The following GIPR variants were observed in gnomAD, a reference collection of about 807,000 sequenced individuals.
GIPR encodes GIP-R.
Under a neutral mutation model 62.2 loss-of-function variants are expected in GIPR, and 74 were observed. That is an observed-to-expected ratio of 1.19 (90% CI 0.99 to 1.44). The LOEUF is 1.44. GIPR is among the 40% of genes most tolerant of loss of function. GIPR has a pLI of 0.00. For missense variants in GIPR, 664 were observed against 611.8 expected (o/e 1.09, Z -0.90); for synonymous variants, 256 against 262.2 (o/e 0.98, Z 0.23).
chr19:45,678,369 C>CTTT, intron 12 of GIPR, 143 bp downstream of exon 12: 3 of 808,094 alleles, frequency 3.7e-6, no homozygotes, highest in Non-Finnish European at 5.6e-6. Context: ...TTAATTCATT[C>CTTT]TTTTTTTTTT....
rs142563934 is a variant in GIPR, at chr19:45,673,083, A to G, written c.384+129A>G. On this transcript the variant is annotated intron_variant, in intron 5 of 13. Coordinates refer to ENST00000590918, the MANE Select transcript of GIPR (RefSeq NM_000164.4). ...TGTAAGTGAGAGAAACTCAACTCAG[A>G]CTTGCTTCAAAGAGAGAAAGATGTA... 4,155 of 684,980 alleles carry G rather than the reference A, an allele frequency of 6.1e-3. 40 individuals carry two copies. The highest frequency in any genetic ancestry group is 0.024 in the South Asian group (1,551 of 63,810). The allele number at this position is 684,980 out of a possible 1,614,324, so 42.4% of individuals were successfully genotyped here. A position where few individuals can be genotyped will look rare whatever the true frequency, so the allele number is the denominator to read the frequency against.
rs752119645 is a variant in GIPR at position 45,676,906 on chromosome 19, G to A, written c.634-43G>A. On this transcript the variant is annotated intron_variant, in intron 7 of 13. Transcript: ENST00000590918. ...AGCTGGGGGAGACTGGGAGACACCC[G>A]GGCAGCGCTGACTACCCCTCTACCG... 5.0e-6 allele frequency: 8 copies of A among 1,593,998 alleles called. No homozygotes were observed. The African/African-American group carries it at 1.1e-4, about 21-fold the overall frequency.
chr19:45,681,549 G>A, intron 12 of GIPR, 55 bp from the exon 13 acceptor site: 3 of 1,468,654 alleles, frequency 2.0e-6, no homozygotes, highest in Non-Finnish European at 2.9e-6. Context: ...AGGCGCGGAG[G>A]CGGTTACAGT....
At chr19:45,674,300 T>C in intron 6 of GIPR, 123 bp downstream of exon 6, 1 of 768,038 alleles carries the variant, frequency 1.3e-6, no homozygotes, top group Non-Finnish European at 2.3e-6. Context: ...TGGGGAGCAG[T>C]GGGGGTGGTT....
chr19:45,677,531 A>T, intron 9 of GIPR, 148 bp downstream of exon 9: 2 of 823,472 alleles, frequency 2.4e-6, no homozygotes, highest in Non-Finnish European at 4.2e-6. Context: ...GGAGCTAGGA[A>T]AGGTTGTGTT....
At chr19:45,673,265 C>T (rs1047865624) in intron 5 of GIPR, among the ~76,000 whole-genome samples, 1 of 151,388 alleles carries the variant, frequency 6.6e-6, no homozygotes, top group Non-Finnish European at 1.5e-5. Flanking sequence ...ACTAAAAATA[C>T]AAAAATTAGC....
intron 5 of GIPR, 28 bp downstream of exon 5, chr19:45,672,982 G>A (rs1043359709): frequency 7.9e-7 from 1 of 1,267,104 alleles, no homozygotes; most frequent in African/African-American, 1.5e-5. Flanking sequence ...CTTCAGGTTA[G>A]GAGTCCAGGG....
Position 45,682,036 on chromosome 19 carries a change from C to G in GIPR, c.*101C>G. 2 of 1,037,728 alleles carry G rather than the reference C, an allele frequency of 1.9e-6. No individual in the cohort carries two copies. The highest frequency in any genetic ancestry group is 1.4e-5 in the South Asian group (1 of 70,336). The allele number at this position is 1,037,728 out of a possible 1,614,324, so 64.3% of individuals were successfully genotyped here. On this transcript the variant is annotated 3_prime_UTR_variant, in exon 14 of 14. Transcript: ENST00000590918. ...GACGCTGGGGAAATGGTGAAGGAAA[C>G]AGAAAAAAGGTCCCTGCCCTTCTGG...
In GIPR at chr19:45,678,262, C is replaced by T. The variant is rs537558156; in HGVS notation, c.1152+36C>T. The T allele has an allele frequency of 3.9e-6, 6 of 1,543,242 alleles. No individual in the cohort carries two copies. In the South Asian group the frequency reaches 5.9e-5, roughly 15 times the overall value. ...AGGGTGCAGGGGCTCCATCCTTCCA[C>T]CCAGGGCCTCCTCCCCAGAGGGGCA... is the stretch of plus-strand genomic sequence containing the variant. On this transcript the variant is annotated intron_variant, in intron 12 of 13. Transcript: ENST00000590918.
In GIPR at chr19:45,671,319, C is replaced by T. The variant is rs1240267593; in HGVS notation, c.207C>T (p.Val69=). 6.2e-7 allele frequency: 1 copy of T among 1,612,958 alleles called. No individual in the cohort carries two copies. The highest frequency in any genetic ancestry group is 1.3e-5 in the African/African-American group (1 of 75,048). ...GTAACGGGTCCTTCGATATGTACGT[C>T]TGCTGGGACTATGCTGCACCCAATG... ...LACNGSFDMY[V]CWDYAAPNAT... is the part of the protein sequence containing the mutation. The change falls in exon 4 of 14, where the codon GTC becomes GTT. Residue 69 remains valine, a synonymous_variant. Coordinates refer to ENST00000590918, the MANE Select transcript of GIPR (RefSeq NM_000164.4).
At chr19:45,673,497 T>C (rs1308460578) in intron 5 of GIPR, among the ~76,000 whole-genome samples, 1 of 150,842 alleles carries the variant, frequency 6.6e-6, no homozygotes, top group African/African-American at 2.4e-5. Context: ...TCCAACACTT[T>C]GAGAAGATGA....
At position 45,683,433 on chromosome 19, in the gene GIPR, G is replaced by A. The variant is rs1047341534; in HGVS notation, c.*1498G>A. The A allele has an allele frequency of 2.0e-5, 3 of 152,240 alleles. No homozygotes were observed. Among genetic ancestry groups the A allele is most frequent in the Admixed American group, 1.3e-4 (2 of 15,248 alleles). 9.4% of individuals were successfully genotyped at this position (152,240 alleles called of 1,614,324 possible). On this transcript the variant is annotated 3_prime_UTR_variant, in exon 14 of 14. Coordinates refer to ENST00000590918, the MANE Select transcript of GIPR (RefSeq NM_000164.4). ...TGGCCCCTGGAACCTGGGAGAATGA[G>A]GGGGCATGCTGACAGTCTCATTGTG... is the stretch of plus-strand genomic sequence containing the variant.
At chr19:45,672,988 C>A in intron 5 of GIPR, 34 bp downstream of exon 5, 1 of 1,241,078 alleles carries the variant, frequency 8.1e-7, no homozygotes, top group Non-Finnish European at 1.2e-6. Flanking sequence ...GTTAGGAGTC[C>A]AGGGAGAGAT....
chr19:45,671,146 G>A (rs1161869879), intron 3 of GIPR, 139 bp from the exon 4 acceptor site: 3 of 693,682 alleles, frequency 4.3e-6, no homozygotes, highest in African/African-American at 1.8e-5. Context: ...CCGAGTGGGC[G>A]GGGCTAGAGC....
intron 4 of GIPR, among the ~76,000 whole-genome samples, chr19:45,672,007 C>CTATTTTTT (rs1555774635): frequency 1.4e-5 from 2 of 147,286 alleles, no homozygotes; most frequent in East Asian, 2.5e-4. Flanking sequence ...GCCTCAGACA[C>CTATTTTTT]TTTATTTATT....
At chr19:45,675,602 G>C (rs1008741551) in intron 7 of GIPR, among the ~76,000 whole-genome samples, 1 of 133,676 alleles carries the variant, frequency 7.5e-6, no homozygotes, top group Non-Finnish European at 1.6e-5. Context: ...AAAAGCCATA[G>C]CGTGGCCCGG....
chr19:45,673,788 C>T (rs2146080039), intron 5 of GIPR, among the ~76,000 whole-genome samples: 1 of 152,014 alleles, frequency 6.6e-6, no homozygotes, highest in South Asian at 2.1e-4. Flanking sequence ...CGCTTGGGCC[C>T]TGGGGGGCGA....
Position 45,681,631 on chromosome 19 carries a change from T to C in GIPR, c.1180T>C (p.Phe394Leu). ...CTTCCTGGTCAGCGTCCTCTACTGC[T>C]TCATCAACAAGGAGGTAGGCAGAGA... ...QGFLVSVLYC[F>L]INKEVQSEIR... Residue 394 changes from phenylalanine (F) to leucine (L), a missense_variant, in exon 13 of 14, where the codon TTC becomes CTC. Physicochemically the swap from Phe to Leu is conservative, Grantham distance 22. Transcript: ENST00000590918. 6.2e-7 allele frequency: 1 copy of C among 1,613,892 alleles called. No individual in the cohort carries two copies.
Position 45,682,054 on chromosome 19 carries a change from C to A in GIPR, c.*119C>A, listed in dbSNP as rs1454412436. 6 of 849,254 alleles carry A rather than the reference C, an allele frequency of 7.1e-6. No individual in the cohort carries two copies. The Admixed American group carries it at 1.3e-4, about 19-fold the overall frequency. 52.6% of individuals were successfully genotyped at this position (849,254 alleles called of 1,614,324 possible). A position where few individuals can be genotyped will look rare whatever the true frequency, so the allele number is the denominator to read the frequency against. On this transcript the variant is annotated 3_prime_UTR_variant, in exon 14 of 14. Coordinates refer to ENST00000590918, the MANE Select transcript of GIPR (RefSeq NM_000164.4). ...AAGGAAACAGAAAAAAGGTCCCTGC[C>A]CTTCTGGAGATGACAACTGAGTGGG...
Sources: allele counts gnomAD v4.1 joint callset (sites outside exome capture counted in the v4.1 genomes callset), GRCh38; gene constraint gnomAD v4.1.1; transcripts MANE v1.5; gene names NCBI Gene and HGNC (gene_info 2026-07-23, HGNC 2026-07-21).